Variants in DCC observed in about 807,000 individuals in gnomAD.
DCC encodes DCC netrin 1 receptor.
In DCC, 58 loss-of-function variants were observed where a neutral mutation model predicts 172.5. The observed-to-expected ratio is 0.34, with a 90% CI of 0.27 to 0.42. The LOEUF is 0.42. Ranked by LOEUF, DCC falls within the 10% of genes least tolerant of loss-of-function variation. DCC has a pLI of 1.00. For synonymous variants in DCC, 709 were observed against 644.5 expected, an observed-to-expected ratio of 1.10 and a Z score of -1.52; for missense variants, 1,740 against 1,791.0, an observed-to-expected ratio of 0.97 and a Z score of 0.51.
intron 1 of DCC, among the ~76,000 whole-genome samples, chr18:52,596,011 A>G (rs1318049506): frequency 6.6e-6 from 1 of 152,220 alleles, no homozygotes; most frequent in Admixed American, 6.5e-5. Flanking sequence ...ATATTCAGGC[A>G]CTTTAAAAAG....
At chr18:52,655,295 A>C (rs1191189499) in intron 1 of DCC, among the ~76,000 whole-genome samples, 1 of 152,190 alleles carries the variant, frequency 6.6e-6, no homozygotes, top group East Asian at 1.9e-4. Context: ...AGGGTCAGGC[A>C]GTCTTAAGAG....
intron 5 of DCC, among the ~76,000 whole-genome samples, chr18:52,983,946 C>A (rs1249015811): frequency 6.6e-6 from 1 of 152,034 alleles, no homozygotes; most frequent in African/African-American, 2.4e-5. Context: ...CTGAGTTAGG[C>A]CTGCTAAGCA....
At chr18:53,439,763 A>ATTTTTTT (rs1912149119) in intron 22 of DCC, among the ~76,000 whole-genome samples, 2 of 112,402 alleles carry the variant, frequency 1.8e-5, no homozygotes, top group Non-Finnish European at 2.2e-5. Flanking sequence ...ATGTAGTAGT[A>ATTTTTTT]TTTTTCTTTT....
intron 5 of DCC, among the ~76,000 whole-genome samples, chr18:53,018,589 G>A (rs544855101): frequency 6.6e-6 from 1 of 152,150 alleles, no homozygotes; most frequent in South Asian, 2.1e-4. Context: ...CTCTATCAAA[G>A]CATGCAATTC....
At chr18:52,527,154 G>A (rs1252022925) in intron 1 of DCC, among the ~76,000 whole-genome samples, 1 of 152,204 alleles carries the variant, frequency 6.6e-6, no homozygotes, top group Non-Finnish European at 1.5e-5. Flanking sequence ...TGTTCCCTCG[G>A]TGATAAAAGA....
chr18:52,613,413 G>C (rs1337245170), intron 1 of DCC, among the ~76,000 whole-genome samples: 1 of 151,746 alleles, frequency 6.6e-6, no homozygotes, highest in African/African-American at 2.4e-5. Flanking sequence ...CCGCCACCAC[G>C]CCCGGCTAAT....
At chr18:53,023,902 G>A (rs892563831) in intron 5 of DCC, among the ~76,000 whole-genome samples, 7 of 152,002 alleles carry the variant, frequency 4.6e-5, no homozygotes, top group South Asian at 2.1e-4. Flanking sequence ...CCACTTGATC[G>A]TCTAGTTAGT....
chr18:53,183,858 A>G (rs903569438), intron 9 of DCC, among the ~76,000 whole-genome samples: 11 of 152,058 alleles, frequency 7.2e-5, no homozygotes, highest in African/African-American at 2.7e-4. Flanking sequence ...TACTACCTGT[A>G]TCCTAGAGCA....
At chr18:53,032,389 G>A (rs890623258) in intron 5 of DCC, among the ~76,000 whole-genome samples, 3 of 152,088 alleles carry the variant, frequency 2.0e-5, no homozygotes, top group Non-Finnish European at 4.4e-5. Flanking sequence ...CTCTTTGCAT[G>A]GAATACAGAA....
In DCC at chr18:52,874,406, A is replaced by G. The variant is rs996006047; in HGVS notation, c.413-31638A>G. ...GACTTCTTTATAATCAAAATTGACC[A>G]TTGCCAATGTTAGTTACCATAAAGG... On this transcript the variant is annotated intron_variant, in intron 2 of 28. Coordinates refer to ENST00000442544, the MANE Select transcript of DCC (RefSeq NM_005215.4). 5.3e-5 allele frequency among the ~76,000 whole-genome samples: 8 copies of G among 152,292 alleles called. No homozygotes were observed. In the East Asian group the frequency reaches 1.3e-3, roughly 26 times the overall value.
intron 1 of DCC, among the ~76,000 whole-genome samples, chr18:52,706,467 A>G (rs886595746): frequency 6.6e-6 from 1 of 152,198 alleles, no homozygotes; most frequent in Non-Finnish European, 1.5e-5. Flanking sequence ...CTTTGTAGCT[A>G]TTTGTGAACA....
chr18:52,931,833 T>G (rs2040312105), intron 5 of DCC: 1 of 152,158 alleles, frequency 6.6e-6, no homozygotes, highest in African/African-American at 2.4e-5. Context: ...GTACAAGGAT[T>G]GCACTAGGTT....
At chr18:52,518,170 C>A (rs1718128467) in intron 1 of DCC, among the ~76,000 whole-genome samples, 2 of 152,112 alleles carry the variant, frequency 1.3e-5, no homozygotes, top group African/African-American at 4.8e-5. Context: ...TACAGTAATA[C>A]AAATAATTCC....
intron 5 of DCC, among the ~76,000 whole-genome samples, chr18:52,951,545 G>C (rs2040647815): frequency 6.6e-6 from 1 of 152,072 alleles, no homozygotes; most frequent in Non-Finnish European, 1.5e-5. Context: ...TTGGTTTTCT[G>C]TTCCTGTGTT....
At chr18:52,932,041 G>T (rs112133951) in intron 5 of DCC, 11 of 152,092 alleles carry the variant, frequency 7.2e-5, no homozygotes, top group African/African-American at 2.7e-4. Context: ...AACAAAGCCC[G>T]AAGAGGCAGG....
At chr18:53,365,414 A>G (rs2057994673) in intron 15 of DCC, among the ~76,000 whole-genome samples, 1 of 150,564 alleles carries the variant, frequency 6.6e-6, no homozygotes, top group African/African-American at 2.4e-5. Flanking sequence ...ATATAAAAGA[A>G]AAGTAAAAGC....
intron 1 of DCC, among the ~76,000 whole-genome samples, chr18:52,456,563 G>T (rs1382965860): frequency 6.6e-6 from 1 of 152,088 alleles, no homozygotes; most frequent in Non-Finnish European, 1.5e-5. Context: ...CGATATTAAG[G>T]TTTAAAAAAT....
intron 1 of DCC, among the ~76,000 whole-genome samples, chr18:52,434,046 G>T (rs917356253): frequency 3.9e-5 from 6 of 152,170 alleles, no homozygotes; most frequent in African/African-American, 1.4e-4. Context: ...TTCAATTATT[G>T]ATTAGCAGGC....
At chr18:52,438,237 G>C (rs544611806) in intron 1 of DCC, among the ~76,000 whole-genome samples, 1 of 152,258 alleles carries the variant, frequency 6.6e-6, no homozygotes, top group South Asian at 2.1e-4. Flanking sequence ...CTGCAGTGTT[G>C]TAGATGGGCA....
Sources: allele counts gnomAD v4.1 joint callset (sites outside exome capture counted in the v4.1 genomes callset), GRCh38; gene constraint gnomAD v4.1.1; transcripts MANE v1.5; gene names NCBI Gene and HGNC (gene_info 2026-07-23, HGNC 2026-07-21).